ABTB2: variants seen among roughly 807,000 people sequenced by gnomAD.
The protein encoded by ABTB2 is ankyrin repeat and BTB domain containing 2.
Under a neutral mutation model 104.1 loss-of-function variants are expected in ABTB2, and 56 were observed. The observed-to-expected ratio is 0.54, with a 90% CI of 0.43 to 0.67. The LOEUF (loss-of-function observed/expected upper bound fraction) is 0.67, where lower values mean the gene tolerates loss of function less well. Among genes scored for constraint, ABTB2 ranks in the 30% least tolerant of loss-of-function variants. The pLI is 0.00. For synonymous variants in ABTB2, 606 were observed against 608.2 expected, an observed-to-expected ratio of 1.00 and a Z score of 0.05; for missense variants, 1,279 against 1,407.7, an observed-to-expected ratio of 0.91 and a Z score of 1.46.
At chr11:34,166,854 C>T (rs1590204476) in intron 7 of ABTB2, among the ~76,000 whole-genome samples, 1 of 152,306 alleles carries the variant, frequency 6.6e-6, no homozygotes, top group Non-Finnish European at 1.5e-5. Context: ...CAGAATTGCA[C>T]AGACCCCATG....
chr11:34,263,861 C>T (rs758380433), intron 1 of ABTB2, among the ~76,000 whole-genome samples: 3 of 152,186 alleles, frequency 2.0e-5, no homozygotes, highest in Non-Finnish European at 2.9e-5. Context: ...CCCAGTCCCC[C>T]ACTGGTATCT....
chr11:34,243,416 C>A (rs999068198), intron 1 of ABTB2, among the ~76,000 whole-genome samples: 13 of 152,104 alleles, frequency 8.5e-5, no homozygotes, highest in African/African-American at 3.1e-4. Flanking sequence ...GGATTACAGG[C>A]GTGAGCCACC....
chr11:34,347,521 A>T (rs1005838191), intron 1 of ABTB2, among the ~76,000 whole-genome samples: 9 of 152,188 alleles, frequency 5.9e-5, no homozygotes, highest in Non-Finnish European at 1.2e-4. Context: ...GTATTTTTGC[A>T]ATATGTTCAT....
chr11:34,302,003 A>G (rs971498929), intron 1 of ABTB2, among the ~76,000 whole-genome samples: 8 of 152,210 alleles, frequency 5.3e-5, no homozygotes, highest in Admixed American at 3.9e-4. Context: ...AATAAACATC[A>G]CAAACATAAT....
chr11:34,181,618 C>G (rs1327609181), intron 3 of ABTB2, among the ~76,000 whole-genome samples: 1 of 152,200 alleles, frequency 6.6e-6, no homozygotes, highest in Non-Finnish European at 1.5e-5. Flanking sequence ...CTAAGAAGGG[C>G]CTCGAGACCA....
At position 34,154,277 on chromosome 11, in the gene ABTB2, G is replaced by A; in HGVS notation, c.2868C>T (p.Tyr956=). The A allele has an allele frequency of 6.2e-7, 1 of 1,613,698 alleles. No individual in the cohort carries two copies. Among genetic ancestry groups the A allele is most frequent in the Non-Finnish European group, 8.5e-7 (1 of 1,179,682 alleles). The change falls in exon 16 of 17, where the codon TAC becomes TAT. Residue 956 remains tyrosine (Y), a synonymous_variant. Transcript: ENST00000435224. This position sits in a 1 kb window ranked among gnomAD's most constrained non-coding sequence, Gnocchi z 4.9. ...CCTTGGCCCTCACCTTGGCATATTTGTAGGTGTTCACGGCACTCTCCATGC... is the reference window on the plus strand; with the variant it reads ...CCTTGGCCCTCACCTTGGCATATTTATAGGTGTTCACGGCACTCTCCATGC... The part of the protein sequence containing the change: ...TLSMESAVNT[Y]KYAKIHNAPE...
intron 1 of ABTB2, among the ~76,000 whole-genome samples, chr11:34,214,139 A>AACACACACAC (rs10529537): frequency 0.062 from 8,587 of 139,138 alleles, 341 homozygotes; most frequent in African/African-American, 0.1. Context: ...GCACATTCAA[A>AACACACACAC]ACACACACAC....
intron 1 of ABTB2, among the ~76,000 whole-genome samples, chr11:34,255,093 C>T (rs11824012): frequency 0.03 from 4,553 of 152,288 alleles, 175 homozygotes; most frequent in African/African-American, 0.092. Context: ...ATTCAATGTT[C>T]ACAACAAGCA....
At chr11:34,319,263 C>T (rs1854973401) in intron 1 of ABTB2, among the ~76,000 whole-genome samples, 1 of 152,210 alleles carries the variant, frequency 6.6e-6, no homozygotes, top group Non-Finnish European at 1.5e-5. Context: ...GGTCATTATA[C>T]AGCCAGGTGA....
At chr11:34,254,302 C>G (rs763965980) in intron 1 of ABTB2, among the ~76,000 whole-genome samples, 31 of 152,138 alleles carry the variant, frequency 2.0e-4, no homozygotes, top group Middle Eastern at 3.4e-3. Flanking sequence ...GGCTGGAGTG[C>G]AGTGGCATGA....
chr11:34,234,804 C>T (rs545771402), intron 1 of ABTB2, among the ~76,000 whole-genome samples: 18 of 152,162 alleles, frequency 1.2e-4, no homozygotes, highest in South Asian at 8.3e-4. Context: ...CAGAAGAGGG[C>T]CCTTTTAGTT....
chr11:34,198,661 C>T (rs543748000), intron 2 of ABTB2, among the ~76,000 whole-genome samples: 28 of 152,284 alleles, frequency 1.8e-4, no homozygotes, highest in African/African-American at 6.7e-4. Context: ...TGCAGCCTGC[C>T]CTGCTGGAGT....
At chr11:34,271,164 G>C (rs1317780888) in intron 1 of ABTB2, among the ~76,000 whole-genome samples, 1 of 152,160 alleles carries the variant, frequency 6.6e-6, no homozygotes, top group Non-Finnish European at 1.5e-5. Context: ...TTCAAGACAG[G>C]TCCAGCCCAG....
At chr11:34,278,295 G>C (rs1056304081) in intron 1 of ABTB2, among the ~76,000 whole-genome samples, 1 of 152,156 alleles carries the variant, frequency 6.6e-6, no homozygotes, top group African/African-American at 2.4e-5. Flanking sequence ...GGAAAAAGAT[G>C]CTCATGGAAA....
At chr11:34,195,097 G>GGGGGGA in intron 3 of ABTB2, among the ~76,000 whole-genome samples, 1 of 110,436 alleles carries the variant, frequency 9.1e-6, no homozygotes, top group Non-Finnish European at 2.0e-5. Flanking sequence ...GTGGGGGCGG[G>GGGGGGA]AGAAAGTGCC....
At position 34,158,769 on chromosome 11, in the gene ABTB2, C is replaced by G. The variant is rs919378053; in HGVS notation, c.2697+527G>C. Among the ~76,000 whole-genome samples, 3 of 152,258 alleles carry G rather than the reference C, an allele frequency of 2.0e-5. No individual in the cohort carries two copies. The East Asian group carries it at 5.8e-4, about 29-fold the overall frequency. On this transcript the variant is annotated intron_variant, in intron 14 of 16. Transcript: ENST00000435224. ...AAAGCCCGAAAGACCTGACTTTGAT[C>G]TACAGTCAGGATGTGTGCCTCACGG...
intron 3 of ABTB2, among the ~76,000 whole-genome samples, chr11:34,196,883 CA>C (rs1853263224): frequency 1.3e-5 from 2 of 152,258 alleles, no homozygotes; most frequent in South Asian, 4.1e-4. Context: ...ATCATTTGAT[CA>C]CTTTTGAATG....
At chr11:34,317,446 T>C (rs570283527) in intron 1 of ABTB2, among the ~76,000 whole-genome samples, 4 of 152,070 alleles carry the variant, frequency 2.6e-5, no homozygotes, top group Non-Finnish European at 4.4e-5. Flanking sequence ...GCAATGAGAG[T>C]GCGAAAACAG....
chr11:34,229,043 T>TG (rs1312378218), intron 1 of ABTB2, among the ~76,000 whole-genome samples: 3 of 139,912 alleles, frequency 2.1e-5, no homozygotes, highest in African/African-American at 8.1e-5. Flanking sequence ...TGCTTAAATC[T>TG]GGGGGTGCGG....
Sources: gnomAD v4.1 joint callset for allele counts (sites outside exome capture counted in the v4.1 genomes callset) on GRCh38, gnomAD v4.1.1 for gene constraint, Gnocchi (gnomAD v3.1) non-coding constraint, MANE v1.5 for transcripts, NCBI Gene and HGNC (gene_info 2026-07-23, HGNC 2026-07-21) for gene names.